The following MAD1L1 variants were observed in gnomAD, a reference collection of about 807,000 sequenced individuals.
MAD1L1 encodes mitotic spindle assembly checkpoint protein MAD1.
In MAD1L1, 95 loss-of-function variants were observed where a neutral mutation model predicts 96.9. That is an observed-to-expected ratio of 0.98 (90% CI 0.83 to 1.16). The LOEUF is 1.16. Among genes scored for constraint, MAD1L1 ranks in the 50% most tolerant of loss-of-function variants. MAD1L1 has a pLI of 0.00. For synonymous variants in MAD1L1, 473 were observed against 396.6 expected (o/e 1.19, Z -2.29); for missense variants, 1,007 against 954.4 (o/e 1.06, Z -0.73).
intron 18 of MAD1L1, among the ~76,000 whole-genome samples, chr7:1,819,051 A>G (rs943233415): frequency 3.3e-5 from 5 of 152,064 alleles, no homozygotes; most frequent in African/African-American, 1.2e-4. Context: ...ACCTCGGTCT[A>G]ACGCTCCGGC....
chr7:2,001,969 G>A, intron 14 of MAD1L1, 96 bp downstream of exon 14: 3 of 1,310,236 alleles, frequency 2.3e-6, no homozygotes, highest in Non-Finnish European at 3.3e-6. Context: ...GCCATGCACT[G>A]GCGCCTGCAG....
intron 18 of MAD1L1, among the ~76,000 whole-genome samples, chr7:1,830,124 C>A (rs556932211): frequency 6.6e-6 from 1 of 152,196 alleles, no homozygotes; most frequent in Non-Finnish European, 1.5e-5. Flanking sequence ...CAGGCCAGGC[C>A]GGTGGCTCAC....
At chr7:2,044,188 T>C (rs1783819269) in intron 12 of MAD1L1, among the ~76,000 whole-genome samples, 1 of 152,226 alleles carries the variant, frequency 6.6e-6, no homozygotes, top group Non-Finnish European at 1.5e-5. Context: ...CTACAGGTCC[T>C]GATCCAAGGG....
At chr7:2,128,056 T>C (rs1788319544) in intron 11 of MAD1L1, among the ~76,000 whole-genome samples, 1 of 152,142 alleles carries the variant, frequency 6.6e-6, no homozygotes, top group Non-Finnish European at 1.5e-5. Context: ...GCTTTTTAAA[T>C]CACAGTCGTC....
chr7:2,137,131 A>G lies in MAD1L1; in HGVS notation c.1073+12021T>C, dbSNP rs139339769. Among the ~76,000 whole-genome samples, 220 of 152,318 alleles carry G rather than the reference A, an allele frequency of 1.4e-3. 1 individual carries two copies. Among genetic ancestry groups the G allele is most frequent in the African/African-American group, 4.9e-3 (202 of 41,576 alleles). The stretch of plus-strand genomic sequence containing the variant: ...GGGTTAGGCTCACACAAACCCCTTC[A>G]AAATAAGCAAGGAAACAGAAGTTCA... On this transcript the variant is annotated intron_variant, in intron 11 of 18. Coordinates refer to ENST00000265854, the MANE Select transcript of MAD1L1 (RefSeq NM_001013836.2).
At chr7:1,998,312 C>T (rs891389395) in intron 14 of MAD1L1, among the ~76,000 whole-genome samples, 11 of 152,300 alleles carry the variant, frequency 7.2e-5, no homozygotes, top group South Asian at 2.1e-4. Flanking sequence ...GGCCGATGCC[C>T]GGGTCAAGAT....
chr7:1,953,838 G>A (rs1376420467), intron 16 of MAD1L1, among the ~76,000 whole-genome samples: 1 of 152,252 alleles, frequency 6.6e-6, no homozygotes, highest in Non-Finnish European at 1.5e-5. Context: ...TGACACGGGG[G>A]CCCCACGGGG....
chr7:2,224,843 A>G (rs1362513343), intron 4 of MAD1L1, among the ~76,000 whole-genome samples: 1 of 152,036 alleles, frequency 6.6e-6, no homozygotes, highest in Non-Finnish European at 1.5e-5. Context: ...AGCAACACAG[A>G]GCCGCCATTG....
intron 11 of MAD1L1, among the ~76,000 whole-genome samples, chr7:2,106,029 CCTCCATT>C (rs1488675629): frequency 6.7e-6 from 1 of 150,016 alleles, no homozygotes; most frequent in Non-Finnish European, 1.5e-5. Context: ...TGGCCCCGCC[CCTCCATT>C]CTGCCCAGCA....
chr7:1,852,156 A>C (rs534818395), intron 18 of MAD1L1, among the ~76,000 whole-genome samples: 2 of 152,290 alleles, frequency 1.3e-5, no homozygotes, highest in East Asian at 3.9e-4. Context: ...CCCAGGGAAG[A>C]AAGTGCTTCC....
chr7:1,868,465 G>C (rs1784883958), intron 18 of MAD1L1, among the ~76,000 whole-genome samples: 1 of 146,464 alleles, frequency 6.8e-6, no homozygotes. Flanking sequence ...GTCCTCCCCA[G>C]CGAGGCCTCC....
chr7:2,055,669 C>CA (rs35707803), intron 12 of MAD1L1, among the ~76,000 whole-genome samples: 1,290 of 90,340 alleles, frequency 0.014, 14 homozygotes, highest in Non-Finnish European at 0.019. Context: ...GACCCTGTCT[C>CA]AAAAAAAAAA....
At position 2,102,319 on chromosome 7, in the gene MAD1L1, CCGCCGTCACCATCACCAT is replaced by C. The variant is rs1212862916; in HGVS notation, c.1074-32999_1074-32982del. ...GTCACCATCACCACCGTCACCATCA[CCGCCGTCACCATCACCAT>C]CACCACCGCCACCATCACCACCGTC... On this transcript the variant is annotated intron_variant, in intron 11 of 18. Transcript: ENST00000265854. Among the ~76,000 whole-genome samples, 35 of 151,248 alleles carry C rather than the reference CCGCCGTCACCATCACCAT, an allele frequency of 2.3e-4. No homozygotes were observed. In the South Asian group the frequency reaches 7.4e-3, roughly 32 times the overall value.
chr7:1,948,848 G>A lies in MAD1L1; in HGVS notation c.1596+8781C>T, dbSNP rs1410043944. On this transcript the variant is annotated intron_variant, in intron 16 of 18. Coordinates refer to ENST00000265854, the MANE Select transcript of MAD1L1 (RefSeq NM_001013836.2). ...GCTGTGCCTGTGGTGAGGAGGAGAT[G>A]GTCCTGATGGCACCCAGCAAGGCTG... is the stretch of plus-strand genomic sequence containing the variant. 2.0e-5 allele frequency among the ~76,000 whole-genome samples: 3 copies of A among 152,294 alleles called. 1 individual carries two copies. In the East Asian group the frequency reaches 5.8e-4, roughly 29 times the overall value.
intron 13 of MAD1L1, among the ~76,000 whole-genome samples, chr7:2,003,641 C>G (rs528582234): frequency 4.6e-5 from 7 of 152,088 alleles, no homozygotes; most frequent in Non-Finnish European, 1.0e-4. Context: ...GTGGGGCCAC[C>G]GGAGGGACCC....
chr7:2,069,445 CT>C (rs1441820285), intron 11 of MAD1L1, 107 bp from the exon 12 acceptor site: 1 of 1,112,584 alleles, frequency 9.0e-7, no homozygotes. Flanking sequence ...TAAAATAGAG[CT>C]GCACGTGCAA....
intron 17 of MAD1L1, among the ~76,000 whole-genome samples, chr7:1,901,485 C>T (rs1787240883): frequency 6.6e-6 from 1 of 152,218 alleles, no homozygotes; most frequent in Admixed American, 6.5e-5. Flanking sequence ...AGCCCTGGGA[C>T]CACATAGGCA....
At chr7:1,953,837 G>A (rs1018419252) in intron 16 of MAD1L1, among the ~76,000 whole-genome samples, 2 of 152,252 alleles carry the variant, frequency 1.3e-5, no homozygotes, top group African/African-American at 4.8e-5. Flanking sequence ...GTGACACGGG[G>A]GCCCCACGGG....
At chr7:1,993,898 C>T (rs190024480) in intron 14 of MAD1L1, among the ~76,000 whole-genome samples, 3 of 152,230 alleles carry the variant, frequency 2.0e-5, no homozygotes, top group Non-Finnish European at 2.9e-5. Context: ...CCTGGGCTAA[C>T]GCTGGAGCCC....
Sources: allele counts gnomAD v4.1 joint callset (sites outside exome capture counted in the v4.1 genomes callset), GRCh38; gene constraint gnomAD v4.1.1; transcripts MANE v1.5; gene names NCBI Gene and HGNC (gene_info 2026-07-23, HGNC 2026-07-21).